Variants in DNAH12 observed in about 807,000 individuals in gnomAD.
The protein encoded by DNAH12 is axonemal beta dynein heavy chain 12.
A neutral mutation model predicts 371.5 loss-of-function variants in DNAH12; 285 were observed. The ratio of observed to expected loss-of-function variants is 0.77; its 90% CI spans 0.70 to 0.85. The LOEUF (loss-of-function observed/expected upper bound fraction) is 0.85. Ranked by LOEUF, DNAH12 falls within the 40% of genes least tolerant of loss-of-function variation. The pLI, the probability that DNAH12 is intolerant of heterozygous loss-of-function variation, is 0.00. For synonymous variants in DNAH12, 1,200 were observed against 1,213.0 expected, an observed-to-expected ratio of 0.99 and a Z score of 0.22; for missense variants, 3,611 against 3,689.4, an observed-to-expected ratio of 0.98 and a Z score of 0.55.
chr3:57,349,483 A>C (rs2062620872), intron 60 of DNAH12, among the ~76,000 whole-genome samples: 1 of 152,206 alleles, frequency 6.6e-6, no homozygotes, highest in Non-Finnish European at 1.5e-5. Flanking sequence ...CCAGAGGAAA[A>C]GAAGTCAGTA....
intron 37 of DNAH12, among the ~76,000 whole-genome samples, chr3:57,417,848 C>T (rs745516606): frequency 6.6e-6 from 1 of 151,804 alleles, no homozygotes; most frequent in Non-Finnish European, 1.5e-5. Context: ...AAATGTATTT[C>T]GATATAAAAA....
At position 57,462,504 on chromosome 3, in the gene DNAH12, G is replaced by A. The variant is rs140205367; in HGVS notation, c.2535+186C>T. Among the ~76,000 whole-genome samples the A allele has an allele frequency of 4.3e-3, 651 of 151,974 alleles. 6 individuals carry two copies. The highest frequency in any genetic ancestry group is 0.015 in the African/African-American group (625 of 41,446). On this transcript the variant is annotated intron_variant, in intron 18 of 73. Transcript: ENST00000495027. ...TGACCTCAGGTGATCCACATGTCTC[G>A]GCCTCCCACAGTGCTAGGATTACAG...
At chr3:57,416,249 T>A (rs1317251332) in intron 37 of DNAH12, among the ~76,000 whole-genome samples, 5 of 152,090 alleles carry the variant, frequency 3.3e-5, no homozygotes. Flanking sequence ...CACACCAGGC[T>A]AATTTTTTTA....
intron 4 of DNAH12, chr3:57,519,903 G>A (rs1167302185): frequency 7.5e-6 from 7 of 928,772 alleles, no homozygotes; most frequent in Non-Finnish European, 1.3e-5. Context: ...TGGCCACCAC[G>A]TTCCACTTCT....
At chr3:57,455,056 A>T (rs897461372) in intron 22 of DNAH12, among the ~76,000 whole-genome samples, 162 bp from the exon 23 acceptor site, 1 of 152,188 alleles carries the variant, frequency 6.6e-6, no homozygotes, top group Non-Finnish European at 1.5e-5. Flanking sequence ...CAAATTTTAT[A>T]AATTATTATT....
chr3:57,331,115 CAAG>C (rs1287643459), intron 62 of DNAH12, among the ~76,000 whole-genome samples: 1 of 152,168 alleles, frequency 6.6e-6, no homozygotes, highest in Non-Finnish European at 1.5e-5. Context: ...ATCTTGACCT[CAAG>C]AAGCTCACAG....
At chr3:57,344,436 C>G (rs188301625) in intron 60 of DNAH12, among the ~76,000 whole-genome samples, 24 of 152,212 alleles carry the variant, frequency 1.6e-4, no homozygotes, top group African/African-American at 5.1e-4. Flanking sequence ...ATCCCACAAC[C>G]AGGCCTTTAT....
Position 57,329,440 on chromosome 3 carries a change from T to G in DNAH12, c.9978+5025A>C, listed in dbSNP as rs1282291515. Reference sequence around the variant, plus strand: ...ACAACTATCTGATCTTTGACAAACCTGAGAAAAACAAGCAATGGGGAAAGG... The same window carrying G: ...ACAACTATCTGATCTTTGACAAACCGGAGAAAAACAAGCAATGGGGAAAGG... On this transcript the variant is annotated intron_variant, in intron 62 of 73. Coordinates refer to ENST00000495027, the MANE Select transcript of DNAH12 (RefSeq NM_001366028.2). Among the ~76,000 whole-genome samples, 10 of 125,532 alleles carry G rather than the reference T, an allele frequency of 8.0e-5. No homozygotes were observed. In the East Asian group the frequency reaches 2.3e-3, roughly 29 times the overall value. The allele number at this position is 125,532 out of a possible 152,430, so 82.4% of individuals were successfully genotyped here.
intron 11 of DNAH12, among the ~76,000 whole-genome samples, chr3:57,497,033 T>C (rs981494108): frequency 6.6e-6 from 1 of 152,112 alleles, no homozygotes; most frequent in Non-Finnish European, 1.5e-5. Context: ...GGGACAGATT[T>C]AGGAAAATAT....
intron 37 of DNAH12, among the ~76,000 whole-genome samples, chr3:57,418,552 A>C (rs923261675): frequency 2.8e-5 from 4 of 142,182 alleles, no homozygotes; most frequent in Non-Finnish European, 4.8e-5. Flanking sequence ...AAAAAAAAAC[A>C]AAAAACTGCT....
In DNAH12 at chr3:57,528,465, C is replaced by T. The variant is rs185482947; in HGVS notation, c.171-4581G>A. ...GCTGGGCCAGGCGCGGTGGCTCACGCCTATAATCCCAGCCCTTTGGGAGGC... is the reference window on the plus strand; with the variant it reads ...GCTGGGCCAGGCGCGGTGGCTCACGTCTATAATCCCAGCCCTTTGGGAGGC... On this transcript the variant is annotated intron_variant, in intron 2 of 73. Coordinates refer to ENST00000495027, the MANE Select transcript of DNAH12 (RefSeq NM_001366028.2). Among the ~76,000 whole-genome samples the T allele has an allele frequency of 2.6e-3, 396 of 151,154 alleles. 3 individuals carry two copies. Among genetic ancestry groups the T allele is most frequent in the African/African-American group, 8.7e-3 (359 of 41,292 alleles).
At chr3:57,375,775 T>G (rs1349835845) in intron 54 of DNAH12, 43 bp downstream of exon 54, 2 of 152,144 alleles carry the variant, frequency 1.3e-5, no homozygotes, top group Non-Finnish European at 2.9e-5. Flanking sequence ...AAAACATACT[T>G]TGGATGTTCT....
chr3:57,470,732 TACA>T lies in DNAH12; in HGVS notation c.1912-99_1912-97del, dbSNP rs370457012. The T allele has an allele frequency of 6.3e-4, 676 of 1,072,170 alleles. 4 individuals carry two copies. The African/African-American group carries it at 9.5e-3, about 15-fold the overall frequency. The allele number at this position is 1,072,170 out of a possible 1,614,324, so 66.4% of individuals were successfully genotyped here. A position where few individuals can be genotyped will look rare whatever the true frequency, so the allele number is the denominator to read the frequency against. On this transcript the variant is annotated intron_variant, in intron 15 of 73. Coordinates refer to ENST00000495027, the MANE Select transcript of DNAH12 (RefSeq NM_001366028.2). The stretch of plus-strand genomic sequence containing the variant: ...TGTGTACAATATGTCCTTGTATTTA[TACA>T]ACAAGTTTATTTTTAGGCTGGAGTG...
intron 34 of DNAH12, 22 bp from the exon 35 acceptor site, chr3:57,425,163 A>G (rs1239169489): frequency 1.2e-5 from 8 of 681,398 alleles, no homozygotes; most frequent in Non-Finnish European, 1.8e-5. Flanking sequence ...AAATAAGATA[A>G]CTTTCTTAAT....
At chr3:57,538,689 C>T (rs968298084) in intron 2 of DNAH12, among the ~76,000 whole-genome samples, 1 of 152,228 alleles carries the variant, frequency 6.6e-6, no homozygotes, top group Non-Finnish European at 1.5e-5. Context: ...TAGGCCTTTG[C>T]CTTTCTCAGT....
At chr3:57,501,460 A>C (rs752546361) in intron 10 of DNAH12, 48 bp from the exon 11 acceptor site, 6 of 1,403,112 alleles carry the variant, frequency 4.3e-6, no homozygotes, top group Non-Finnish European at 5.8e-6. Context: ...CCTTTTTAGA[A>C]GATAAAACAC....
intron 43 of DNAH12, among the ~76,000 whole-genome samples, 161 bp from the exon 44 acceptor site, chr3:57,394,493 C>G (rs945483593): frequency 2.0e-5 from 3 of 152,200 alleles, no homozygotes; most frequent in Admixed American, 6.5e-5. Flanking sequence ...CTGCCTCCGT[C>G]CCCTGGGTGG....
intron 11 of DNAH12, among the ~76,000 whole-genome samples, chr3:57,491,185 A>G (rs564977190): frequency 1.3e-5 from 2 of 152,198 alleles, no homozygotes; most frequent in African/African-American, 4.8e-5. Flanking sequence ...GAAGAAAAAC[A>G]CAAAAGAATA....
Position 57,446,194 on chromosome 3 carries a change from G to A in DNAH12, c.4016C>T (p.Ser1339Leu). 6.4e-7 allele frequency: 1 copy of A among 1,551,656 alleles called. No homozygotes were observed. Among genetic ancestry groups the A allele is most frequent in the East Asian group, 2.4e-5 (1 of 40,908 alleles). ...GCAAAGGATCTGTTGAGCTACCACT[G>A]ACAACACTTCCAACTCAATTCGATT... Reference protein sequence around the residue: ...EFNRIELEVLSVVAQQILCIQ... With the variant: ...EFNRIELEVLLVVAQQILCIQ... The change falls in exon 27 of 74, where the codon TCA becomes TTA. Residue 1339 changes from serine to leucine, a missense_variant. By Grantham distance (145) the Ser-to-Leu change is moderately radical. Around this residue, in one of 3 missense-constraint regions of DNAH12, gnomAD observed 2,266 missense variants for 2,236.9 expected, o/e 1.01. Coordinates refer to ENST00000495027, the MANE Select transcript of DNAH12 (RefSeq NM_001366028.2).
Sources: gnomAD v4.1 joint callset for allele counts (sites outside exome capture counted in the v4.1 genomes callset) on GRCh38, gnomAD v4.1.1 for gene constraint, gnomAD v4.1.1 regional missense constraint, MANE v1.5 for transcripts, NCBI Gene and HGNC (gene_info 2026-07-23, HGNC 2026-07-21) for gene names.